The following FILIP1L variants were observed in gnomAD, a reference collection of about 807,000 sequenced individuals.
The protein encoded by FILIP1L is filamin A interacting protein 1 like, also known as filamin A-interacting protein 1-like.
A neutral mutation model predicts 96.6 loss-of-function variants in FILIP1L; 55 were observed. The observed-to-expected ratio is 0.57, with a 90% CI of 0.46 to 0.71. FILIP1L has a LOEUF of 0.71. FILIP1L is among the 30% of genes least tolerant of loss of function. FILIP1L has a pLI of 0.00. For missense variants in FILIP1L, 1,304 were observed against 1,321.2 expected (o/e 0.99, Z 0.20); for synonymous variants, 467 against 473.9 (o/e 0.99, Z 0.19).
intron 1 of FILIP1L, among the ~76,000 whole-genome samples, chr3:100,066,081 G>T (rs1054069068): frequency 2.6e-5 from 4 of 152,214 alleles, no homozygotes; most frequent in African/African-American, 9.6e-5. Flanking sequence ...AGAACTTAGA[G>T]AGATGGTCTT....
chr3:99,853,014 G>C (rs1943780159), intron 4 of FILIP1L, among the ~76,000 whole-genome samples: 2 of 152,186 alleles, frequency 1.3e-5, no homozygotes, highest in Admixed American at 1.3e-4. Flanking sequence ...GGGTGTCGTT[G>C]ATGATGATCT....
At chr3:99,836,395 G>T (rs753811783) in intron 5 of FILIP1L, among the ~76,000 whole-genome samples, 11 of 152,106 alleles carry the variant, frequency 7.2e-5, no homozygotes, top group Admixed American at 7.2e-4. Context: ...GGTTATGGGC[G>T]CATGCTAAGT....
At chr3:99,977,250 C>T (rs1323271577) in intron 1 of FILIP1L, among the ~76,000 whole-genome samples, 4 of 151,950 alleles carry the variant, frequency 2.6e-5, no homozygotes, top group Non-Finnish European at 5.9e-5. Flanking sequence ...GGAGCTGATG[C>T]CTCATCCCAG....
At chr3:99,996,483 A>G (rs565746467) in intron 1 of FILIP1L, among the ~76,000 whole-genome samples, 48 of 152,298 alleles carry the variant, frequency 3.2e-4, no homozygotes, top group African/African-American at 1.2e-3. Context: ...ACCCAGTTCC[A>G]AAGCCACTTC....
intron 4 of FILIP1L, among the ~76,000 whole-genome samples, chr3:99,870,575 G>A (rs1391675070): frequency 1.3e-5 from 2 of 152,140 alleles, no homozygotes; most frequent in South Asian, 2.1e-4. Context: ...GCTATAGCTG[G>A]GTTAGTGACA....
chr3:100,011,898 CTT>C (rs1710167162), intron 1 of FILIP1L: 2 of 152,120 alleles, frequency 1.3e-5, no homozygotes, highest in African/African-American at 2.4e-5. Context: ...ATATTAAAAA[CTT>C]TTAAAAATAG....
intron 1 of FILIP1L, among the ~76,000 whole-genome samples, chr3:100,022,799 C>T (rs2064850121): frequency 6.6e-6 from 1 of 152,192 alleles, no homozygotes; most frequent in South Asian, 2.1e-4. Context: ...TTAAAAACAT[C>T]AGTGCATGGG....
intron 1 of FILIP1L, among the ~76,000 whole-genome samples, chr3:99,976,163 C>T (rs534742425): frequency 4.7e-4 from 72 of 152,152 alleles, no homozygotes; most frequent in African/African-American, 1.6e-3. Flanking sequence ...CATAAGCCAC[C>T]GCACCTGGCC....
At chr3:100,113,766 C>G (rs1208103851) in intron 1 of FILIP1L, among the ~76,000 whole-genome samples, 1 of 152,164 alleles carries the variant, frequency 6.6e-6, no homozygotes, top group East Asian at 1.9e-4. Context: ...ATCCATCTTA[C>G]TCTTAACAGG....
rs193256132 is a variant in FILIP1L, at chr3:99,862,682, G to A, written c.606-11612C>T. Among the ~76,000 whole-genome samples the A allele has an allele frequency of 1.4e-3, 218 of 152,304 alleles. 2 individuals carry two copies. The highest frequency in any genetic ancestry group is 1.2e-3 in the Non-Finnish European group (79 of 68,030). ...CAGACATTGCAGAGAAATTGAGTCTGGTTGAGAAGTCACTGTTTTAGGGCA... is the reference window on the plus strand; with the variant it reads ...CAGACATTGCAGAGAAATTGAGTCTAGTTGAGAAGTCACTGTTTTAGGGCA... On this transcript the variant is annotated intron_variant, in intron 4 of 5. Coordinates refer to ENST00000477258, the MANE Select transcript of FILIP1L (RefSeq NM_001387850.1).
At chr3:99,876,165 G>A (rs1576540444) in intron 4 of FILIP1L, 2 of 985,486 alleles carry the variant, frequency 2.0e-6, no homozygotes, top group Admixed American at 6.1e-5. Context: ...AGAGTCGCCC[G>A]AACAATGCGA....
At chr3:99,971,086 C>T (rs1322336118) in intron 1 of FILIP1L, among the ~76,000 whole-genome samples, 2 of 152,114 alleles carry the variant, frequency 1.3e-5, no homozygotes, top group African/African-American at 2.4e-5. Context: ...GCCTGTAATC[C>T]CAGCACTTTG....
At chr3:99,928,196 GTAGGAAAATCC>G (rs1707357790) in intron 3 of FILIP1L, among the ~76,000 whole-genome samples, 3 of 152,184 alleles carry the variant, frequency 2.0e-5, no homozygotes, top group Admixed American at 2.0e-4. Context: ...TCAGCCCTGT[GTAGGAAAATCC>G]TAGGCAGAAT....
At chr3:100,020,760 CTT>C (rs34665880) in intron 1 of FILIP1L, among the ~76,000 whole-genome samples, 406 of 70,926 alleles carry the variant, frequency 5.7e-3, no homozygotes, top group South Asian at 8.9e-3. Flanking sequence ...GAATAATTAG[CTT>C]TTTTTTTTTT....
chr3:100,012,177 A>T lies in FILIP1L; in HGVS notation c.-10-81147T>A, dbSNP rs192151604. Among the ~76,000 whole-genome samples, 5 of 152,296 alleles carry T rather than the reference A, an allele frequency of 3.3e-5. No homozygotes were observed. The South Asian group carries it at 1.0e-3, about 32-fold the overall frequency. ...AACTTGAGTGGGATTTATAATGTCT[A>T]TATCTGTCTTTTATATTCCAAAAGG... On this transcript the variant is annotated intron_variant, in intron 1 of 5. Coordinates refer to ENST00000477258, the MANE Select transcript of FILIP1L (RefSeq NM_001387850.1).
intron 4 of FILIP1L, among the ~76,000 whole-genome samples, chr3:99,910,671 T>C (rs966387666): frequency 2.4e-5 from 3 of 123,610 alleles, no homozygotes; most frequent in Non-Finnish European, 5.7e-5. Context: ...TAAATAAACA[T>C]TTTATGGGGT....
Position 99,850,115 on chromosome 3 carries a change from C to T in FILIP1L, c.1561G>A (p.Ala521Thr). The change falls in exon 5 of 6, where the codon GCT becomes ACT. Residue 521 changes from alanine (A) to threonine (T), a missense_variant. Physicochemically the swap from Ala to Thr is moderately conservative, Grantham distance 58. Coordinates refer to ENST00000477258, the MANE Select transcript of FILIP1L (RefSeq NM_001387850.1). ...TGCTCCACTTGAAGCTGAGAAGAAG[C>T]AGCTTGTAATTTATCTTCAGTTTTC... ...LKKTEDKLQA[A>T]SSQLQVEQNK... 6.2e-7 allele frequency: 1 copy of T among 1,612,814 alleles called. No homozygotes were observed. Among genetic ancestry groups the T allele is most frequent in the Non-Finnish European group, 8.5e-7 (1 of 1,179,782 alleles).
At chr3:100,112,052 A>G (rs186507630) in intron 1 of FILIP1L, among the ~76,000 whole-genome samples, 84 of 152,288 alleles carry the variant, frequency 5.5e-4, no homozygotes, top group Non-Finnish European at 1.0e-3. Flanking sequence ...TAGGCATTCT[A>G]AAATAGTTGA....
intron 1 of FILIP1L, among the ~76,000 whole-genome samples, chr3:99,967,530 C>T (rs937234502): frequency 6.6e-6 from 1 of 152,126 alleles, no homozygotes; most frequent in Non-Finnish European, 1.5e-5. Context: ...CCTCCTGGCT[C>T]CTTGTTTTGT....
Sources: allele counts gnomAD v4.1 joint callset (sites outside exome capture counted in the v4.1 genomes callset), GRCh38; gene constraint gnomAD v4.1.1; transcripts MANE v1.5; gene names NCBI Gene and HGNC (gene_info 2026-07-23, HGNC 2026-07-21).